Variants in CHST11 observed in about 807,000 individuals in gnomAD.
The protein encoded by CHST11 is C4S-1.
CHST11 carries 9 observed loss-of-function variants against 30.4 expected under a neutral mutation model. The ratio of observed to expected loss-of-function variants is 0.30; its 90% CI spans 0.18 to 0.52. The LOEUF (loss-of-function observed/expected upper bound fraction) is 0.52, where lower values mean the gene tolerates loss of function less well. Ranked by LOEUF, CHST11 falls within the 20% of genes least tolerant of loss-of-function variation. CHST11 has a pLI of 0.97. For synonymous variants in CHST11, 152 were observed against 187.8 expected (o/e 0.81, Z 1.56); for missense variants, 348 against 460.6 (o/e 0.76, Z 2.24).
intron 2 of CHST11, among the ~76,000 whole-genome samples, chr12:104,750,330 G>A (rs1214745889): frequency 6.7e-6 from 1 of 148,334 alleles, no homozygotes; most frequent in Non-Finnish European, 1.5e-5. Flanking sequence ...CAGGGCTTTA[G>A]TTCCAGTAAA....
chr12:104,488,533 ATGTG>A (rs754027980), intron 1 of CHST11, among the ~76,000 whole-genome samples: 1 of 134,320 alleles, frequency 7.4e-6, no homozygotes, highest in Non-Finnish European at 1.6e-5. Context: ...CTGTGTGTAT[ATGTG>A]TGTATGTGTG....
chr12:104,542,988 A>G (rs2038300122), intron 1 of CHST11, among the ~76,000 whole-genome samples: 1 of 152,210 alleles, frequency 6.6e-6, no homozygotes, highest in African/African-American at 2.4e-5. Context: ...GTTGCTATAA[A>G]GGGATACCTG....
At chr12:104,476,897 C>T (rs182758966) in intron 1 of CHST11, among the ~76,000 whole-genome samples, 9 of 151,404 alleles carry the variant, frequency 5.9e-5, no homozygotes, top group East Asian at 3.9e-4. Flanking sequence ...CAGTCCCTGG[C>T]GTATGACAGA....
At chr12:104,573,268 A>C (rs2038647441) in intron 1 of CHST11, among the ~76,000 whole-genome samples, 1 of 152,208 alleles carries the variant, frequency 6.6e-6, no homozygotes, top group African/African-American at 2.4e-5. Flanking sequence ...CAATATCGTG[A>C]AAATGGCCAT....
chr12:104,601,715 GC>G (rs1259157073), intron 1 of CHST11, among the ~76,000 whole-genome samples, 190 bp from the exon 2 acceptor site: 2 of 152,218 alleles, frequency 1.3e-5, no homozygotes, highest in Non-Finnish European at 2.9e-5. Flanking sequence ...GTGTGGAGAT[GC>G]CTGAATGTTG....
At chr12:104,638,312 ATG>A (rs3039210) in intron 2 of CHST11, among the ~76,000 whole-genome samples, 42,023 of 150,918 alleles carry the variant, frequency 0.28, 5,946 homozygotes, top group African/African-American at 0.33. Context: ...GTGTGAACAG[ATG>A]TGTGTGTGTG....
intron 2 of CHST11, among the ~76,000 whole-genome samples, chr12:104,611,021 T>C (rs2039055455): frequency 3.3e-5 from 5 of 152,146 alleles, no homozygotes; most frequent in Admixed American, 2.6e-4. Flanking sequence ...GAAGCTCTGA[T>C]TTTTTTCTTT....
chr12:104,513,129 G>C lies in CHST11; in HGVS notation c.118+55600G>C, dbSNP rs796256123. 1.1e-3 allele frequency among the ~76,000 whole-genome samples: 114 copies of C among 108,104 alleles called. 7 individuals are homozygous for C. Among genetic ancestry groups the C allele is most frequent in the Non-Finnish European group, 1.7e-3 (92 of 54,566 alleles). The allele number at this position is 108,104 out of a possible 152,430, so 70.9% of individuals were successfully genotyped here. On this transcript the variant is annotated intron_variant, in intron 1 of 2. Coordinates refer to ENST00000303694, the MANE Select transcript of CHST11 (RefSeq NM_018413.6). The stretch of plus-strand genomic sequence containing the variant: ...TGCTTCCAAATGTCATGACTGGGGG[G>C]GGGGGGGGTTGGGGGTGGGGAGGGA...
intron 2 of CHST11, among the ~76,000 whole-genome samples, chr12:104,607,664 GGC>G (rs1377068999): frequency 1.3e-5 from 2 of 152,156 alleles, no homozygotes; most frequent in Non-Finnish European, 2.9e-5. Flanking sequence ...GACAGTCCAT[GGC>G]GCATTCAGAG....
At chr12:104,467,284 T>TA (rs1208456820) in intron 1 of CHST11, among the ~76,000 whole-genome samples, 7 of 152,232 alleles carry the variant, frequency 4.6e-5, no homozygotes, top group African/African-American at 1.7e-4. Context: ...TTGATATAGT[T>TA]AAAATTTTTT....
chr12:104,544,769 T>TCCC lies in CHST11; in HGVS notation c.119-57133_119-57131dup, dbSNP rs199741884. ...CAATGATGTGCCCTGGGGGTCACAG[T>TCCC]CCCCCCACCCCGGAGATAATGGATT... On this transcript the variant is annotated intron_variant, in intron 1 of 2. Transcript: ENST00000303694. Among the ~76,000 whole-genome samples the TCCC allele has an allele frequency of 1.6e-4, 8 of 51,450 alleles. 2 individuals are homozygous for TCCC. Among genetic ancestry groups the TCCC allele is most frequent in the South Asian group, 1.5e-3 (1 of 678 alleles). The allele number at this position is 51,450 out of a possible 152,430, so 33.8% of individuals were successfully genotyped here. A position where few individuals can be genotyped will look rare whatever the true frequency, so the allele number is the denominator to read the frequency against.
intron 1 of CHST11, among the ~76,000 whole-genome samples, chr12:104,507,889 G>A (rs975240240): frequency 4.6e-5 from 7 of 152,128 alleles, no homozygotes; most frequent in Admixed American, 3.9e-4. Flanking sequence ...TCACATGGCC[G>A]AGCCCAGCAT....
chr12:104,556,505 G>C (rs553307866), intron 1 of CHST11, among the ~76,000 whole-genome samples: 1 of 152,320 alleles, frequency 6.6e-6, no homozygotes, highest in East Asian at 1.9e-4. Context: ...CCTTCTGGAG[G>C]CTCTGAAGAA....
Position 104,760,885 on chromosome 12 carries a change from G to GA in CHST11, c.*3086dup, listed in dbSNP as rs2040519141. ...GAAATCCACTTGTGAAGTGTGCCTG[G>GA]AAAATGAAAGTTTGTGTTTTTTAAA... On this transcript the variant is annotated 3_prime_UTR_variant, in exon 3 of 3. Transcript: ENST00000303694. 1 of 152,156 alleles carries GA rather than the reference G, an allele frequency of 6.6e-6. No individual in the cohort carries two copies. Among genetic ancestry groups the GA allele is most frequent in the African/African-American group, 2.4e-5 (1 of 41,424 alleles). The allele number at this position is 152,156 out of a possible 1,614,324, so 9.4% of individuals were successfully genotyped here.
At chr12:104,662,569 A>G (rs991890678) in intron 2 of CHST11, among the ~76,000 whole-genome samples, 49 of 152,168 alleles carry the variant, frequency 3.2e-4, no homozygotes, top group African/African-American at 1.1e-3. Context: ...TGAAATATGG[A>G]TCGTGTTTGC....
chr12:104,459,431 G>A (rs1025684651), intron 1 of CHST11, among the ~76,000 whole-genome samples: 2 of 152,234 alleles, frequency 1.3e-5, no homozygotes, highest in Non-Finnish European at 2.9e-5. Context: ...CTGGGACCGT[G>A]AATGCCAGTA....
chr12:104,526,401 T>A (rs1165440411), intron 1 of CHST11, among the ~76,000 whole-genome samples: 2 of 152,216 alleles, frequency 1.3e-5, no homozygotes, highest in South Asian at 2.1e-4. Flanking sequence ...ATTTAATTTA[T>A]GTGCCTGACT....
intron 1 of CHST11, among the ~76,000 whole-genome samples, chr12:104,557,958 GA>G (rs146066454): frequency 0.016 from 2,461 of 152,166 alleles, 125 homozygotes; most frequent in East Asian, 0.15. Context: ...CAGGGGTGGG[GA>G]CAACCTGTAC....
intron 2 of CHST11, 53 bp downstream of exon 2, chr12:104,602,044 G>A: frequency 1.5e-6 from 2 of 1,319,572 alleles, no homozygotes; most frequent in Non-Finnish European, 2.2e-6. Context: ...TGTAGGTATG[G>A]ATACTAAAAA....
Sources: allele counts gnomAD v4.1 joint callset (sites outside exome capture counted in the v4.1 genomes callset), GRCh38; gene constraint gnomAD v4.1.1; transcripts MANE v1.5; gene names NCBI Gene and HGNC (gene_info 2026-07-23, HGNC 2026-07-21).